The following CCL14 variants were observed in gnomAD, a reference collection of about 807,000 sequenced individuals.
CCL14 encodes the protein C-C motif chemokine 14.
In CCL14, 8 loss-of-function variants were observed where a neutral mutation model predicts 8.2. The ratio of observed to expected loss-of-function variants is 0.98; its 90% CI spans 0.57 to 1.76. The LOEUF (loss-of-function observed/expected upper bound fraction) is 1.76. Ranked by LOEUF, CCL14 falls within the 40% of genes most tolerant of loss-of-function variation. The pLI is 0.00. For missense variants in CCL14, 127 were observed against 118.3 expected (o/e 1.07, Z -0.34); for synonymous variants, 50 against 43.2 (o/e 1.16, Z -0.62).
At chr17:35,986,174 C>T (rs994316317) in intron 1 of CCL14, 10 of 357,274 alleles carry the variant, frequency 2.8e-5, no homozygotes, top group Admixed American at 4.5e-5. Context: ...GGGGACTGGT[C>T]CTGGGGGGCA....
At position 35,983,536 on chromosome 17, in the gene CCL14, T is replaced by A; in HGVS notation, c.*265A>T. ...TACCTGCATTGCAGGCCTGACCTAT[T>A]TTTTGTACCAGGCTCCAGCAAAACT... On this transcript the variant is annotated 3_prime_UTR_variant, in exon 3 of 3. Transcript: ENST00000618404. 4.4e-6 allele frequency: 2 copies of A among 452,846 alleles called. No homozygotes were observed. The highest frequency in any genetic ancestry group is 4.6e-5 in the South Asian group (1 of 21,932). The allele number at this position is 452,846 out of a possible 1,614,324, so 28.1% of individuals were successfully genotyped here.
intron 2 of CCL14, 118 bp downstream of exon 2, chr17:35,984,220 A>C (rs368558372): frequency 4.0e-4 from 302 of 756,518 alleles, no homozygotes; most frequent in African/African-American, 3.9e-3. Context: ...GCCTCTCCCC[A>C]TGTAGTCACA....
rs186783049 is a variant in CCL14, at chr17:35,986,571, G to C, written c.79C>G (p.Arg27Gly). The C allele has an allele frequency of 1.7e-5, 28 of 1,611,878 alleles. No homozygotes were observed. The highest frequency in any genetic ancestry group is 8.9e-5 in the East Asian group (4 of 44,878). Residue 27 changes from arginine (R) to glycine (G), a missense_variant and splice_region_variant, in exon 1 of 3, where the codon CGG becomes GGG. By Grantham distance (125) the Arg-to-Gly change is moderately radical. Transcript: ENST00000618404. The part of the protein sequence containing the change: ...ALGTKTESSS[R>G]GPYHPSECCF... ...AAGGAAGACAAGGCATTGCACTCACGTGAGGAGGATTCAGTCTTGGTCCCT... is the reference window on the plus strand; with the variant it reads ...AAGGAAGACAAGGCATTGCACTCACCTGAGGAGGATTCAGTCTTGGTCCCT...
chr17:35,986,088 T>A (rs1043295227), intron 1 of CCL14: 3 of 456,360 alleles, frequency 6.6e-6, no homozygotes, highest in African/African-American at 2.0e-5. Flanking sequence ...GCCACTCTTT[T>A]GCTTAGCGGC....
chr17:35,984,910 GC>G (rs766563306), intron 1 of CCL14: 7 of 248,382 alleles, frequency 2.8e-5, no homozygotes, highest in Non-Finnish European at 5.3e-5. Flanking sequence ...TGCAAACCCA[GC>G]CCCTCCTAGT....
intron 1 of CCL14, chr17:35,985,827 G>C: frequency 6.5e-7 from 1 of 1,528,934 alleles, no homozygotes; most frequent in Non-Finnish European, 8.9e-7. Flanking sequence ...ATGGAAGAGT[G>C]ATAAATAGTT....
chr17:35,985,629 A>C (rs2089753919), intron 1 of CCL14: 1 of 800,282 alleles, frequency 1.2e-6, no homozygotes, highest in South Asian at 1.6e-5. Flanking sequence ...TCACGATCCA[A>C]AGAACGGCAT....
Position 35,983,875 on chromosome 17 carries a change from T to A in CCL14, c.208A>T (p.Arg70Trp), listed in dbSNP as rs749195974. Residue 70 changes from arginine to tryptophan, a missense_variant, in exon 3 of 3, where the codon AGG becomes TGG. Transcript: ENST00000618404. ...SKPGIVFITK[R>W]GHSVCTNPSD... ...GGGTTGGTACAGACGGAATGGCCCC[T>A]TTTGGTGATGAAGCTGTGGAGCAAG... 1 of 1,613,510 alleles carries A rather than the reference T, an allele frequency of 6.2e-7. No individual in the cohort carries two copies.
intron 1 of CCL14, 137 bp from the exon 2 acceptor site, chr17:35,984,589 T>G: frequency 1.6e-6 from 1 of 640,524 alleles, no homozygotes; most frequent in Non-Finnish European, 2.8e-6. Context: ...GAGAGTAGGC[T>G]TTCCTCATCT....
In CCL14 at chr17:35,983,751, T is replaced by C. The variant is rs200414520; in HGVS notation, c.*50A>G. The C allele has an allele frequency of 3.6e-4, 482 of 1,337,880 alleles. No homozygotes were observed. The African/African-American group carries it at 4.0e-3, about 11-fold the overall frequency. 82.9% of individuals were successfully genotyped at this position (1,337,880 alleles called of 1,614,324 possible). ...GTGGGTGGAGGAGGGGGCCTTGGCATCTTCTCTTTATGTCTCTGAGCTGTG... is the reference window on the plus strand; with the variant it reads ...GTGGGTGGAGGAGGGGGCCTTGGCACCTTCTCTTTATGTCTCTGAGCTGTG... On this transcript the variant is annotated 3_prime_UTR_variant, in exon 3 of 3. Coordinates refer to ENST00000618404, the MANE Select transcript of CCL14 (RefSeq NM_032963.4).
chr17:35,984,323 G>T lies in CCL14; in HGVS notation c.194+15C>A, dbSNP rs1460496008. The T allele has an allele frequency of 6.5e-7, 1 of 1,535,112 alleles. No homozygotes were observed. The highest frequency in any genetic ancestry group is 9.0e-7 in the Non-Finnish European group (1 of 1,108,264). On this transcript the variant is annotated intron_variant, in intron 2 of 2. Coordinates refer to ENST00000618404, the MANE Select transcript of CCL14 (RefSeq NM_032963.4). ...GCTCCCTCTCCCCCCAGTGTGATGT[G>T]TGTGTACCACCTACACAATTCCGGG...
rs771646249 is a variant in CCL14, at chr17:35,984,387, T to G, written c.145A>C (p.Ile49Leu). ...CTGTTGGTCTCATAGTAATCCATAA[T>G]CCGCTGACGCGGGATCTTGTAGGTA... ...YTTYKIPRQR[I>L]MDYYETNSQC... The change falls in exon 2 of 3, where the codon ATT becomes CTT. Residue 49 changes from isoleucine (I) to leucine (L), a missense_variant. By Grantham distance (5) the Ile-to-Leu change is conservative. Transcript: ENST00000618404. 6.2e-7 allele frequency: 1 copy of G among 1,613,912 alleles called. No homozygotes were observed. Among genetic ancestry groups the G allele is most frequent in the South Asian group, 1.1e-5 (1 of 91,066 alleles).
In CCL14 at chr17:35,986,584, A is replaced by C. The variant is rs759752973; in HGVS notation, c.66T>G (p.Thr22=). The C allele has an allele frequency of 2.5e-6, 4 of 1,613,566 alleles. No homozygotes were observed. Among genetic ancestry groups the C allele is most frequent in the South Asian group, 1.1e-5 (1 of 91,064 alleles). Residue 22 remains threonine (T), a synonymous_variant, in exon 1 of 3, where the codon ACT becomes ACG. Transcript: ENST00000618404. ...CATTGCACTCACGTGAGGAGGATTCAGTCTTGGTCCCTAGGGCGATGGTGA... is the reference window on the plus strand; with the variant it reads ...CATTGCACTCACGTGAGGAGGATTCCGTCTTGGTCCCTAGGGCGATGGTGA... ...LLITIALGTK[T]ESSSRGPYHP...
intron 1 of CCL14, chr17:35,985,763 G>C (rs909027611): frequency 6.4e-7 from 1 of 1,551,420 alleles, no homozygotes; most frequent in Non-Finnish European, 8.7e-7. Context: ...AACTTTAGCT[G>C]TATTTTAACA....
Position 35,983,937 on chromosome 17 carries a change from G to A in CCL14, c.195-49C>T, listed in dbSNP as rs754565224. 3.7e-5 allele frequency: 50 copies of A among 1,356,920 alleles called. 1 individual carries two copies. Among genetic ancestry groups the A allele is most frequent in the Middle Eastern group, 2.0e-4 (1 of 5,028 alleles). The allele number at this position is 1,356,920 out of a possible 1,614,324, so 84.1% of individuals were successfully genotyped here. ...TCACAAACCGAGGGGCCCAGTGGCC[G>A]GAAGAGACAGCCCATCTTCCCTCCC... On this transcript the variant is annotated intron_variant, in intron 2 of 2. Coordinates refer to ENST00000618404, the MANE Select transcript of CCL14 (RefSeq NM_032963.4).
chr17:35,986,084 CT>C, intron 1 of CCL14: 1 of 467,926 alleles, frequency 2.1e-6, no homozygotes, highest in Non-Finnish European at 3.7e-6. Context: ...GTGGGCCACT[CT>C]TTTGCTTAGC....
At chr17:35,986,505 C>T in intron 1 of CCL14, 66 bp downstream of exon 1, 1 of 1,343,404 alleles carries the variant, frequency 7.4e-7, no homozygotes, top group South Asian at 1.2e-5. Context: ...CCCTGAGCCC[C>T]AACCTCACTC....
At chr17:35,985,036 C>A (rs555296098) in intron 1 of CCL14, 5 of 159,972 alleles carry the variant, frequency 3.1e-5, no homozygotes, top group Admixed American at 1.9e-4. Context: ...CCTAACCTAA[C>A]CTTGCCTGTG....
At chr17:35,986,527 C>A (rs760999443) in intron 1 of CCL14, 44 bp downstream of exon 1, 1 of 1,508,152 alleles carries the variant, frequency 6.6e-7, no homozygotes, top group East Asian at 2.3e-5. Context: ...TGCTTATTTC[C>A]CTGCAGGCTC....
Sources: allele counts gnomAD v4.1 joint callset, GRCh38; gene constraint gnomAD v4.1.1; transcripts MANE v1.5; gene names NCBI Gene and HGNC (gene_info 2026-07-23, HGNC 2026-07-21).